The following PACS1 variants were observed in gnomAD, a reference collection of about 807,000 sequenced individuals.
The protein encoded by PACS1 is PACS-1.
In PACS1, 24 loss-of-function variants were observed where a neutral mutation model predicts 115.0. The ratio of observed to expected loss-of-function variants is 0.21; its 90% CI spans 0.15 to 0.29. PACS1 has a LOEUF of 0.29. Among genes scored for constraint, PACS1 ranks in the 10% least tolerant of loss-of-function variants. The pLI is 1.00. For missense variants in PACS1, 838 were observed against 1,251.2 expected (o/e 0.67, Z 4.98); for synonymous variants, 453 against 504.5 (o/e 0.90, Z 1.37).
intron 1 of PACS1, among the ~76,000 whole-genome samples, chr11:66,153,656 C>T (rs985200698): frequency 2.6e-5 from 4 of 152,136 alleles, no homozygotes; most frequent in Admixed American, 2.0e-4. Context: ...TGGTGGGCAC[C>T]TGTAGTCCCA....
At chr11:66,175,215 C>T (rs541526074) in intron 1 of PACS1, among the ~76,000 whole-genome samples, 4 of 151,894 alleles carry the variant, frequency 2.6e-5, no homozygotes, top group South Asian at 4.2e-4. Context: ...TAAACCAATA[C>T]GGTTTTGTTT....
chr11:66,188,836 TCTTA>T (rs1254946655), intron 1 of PACS1, among the ~76,000 whole-genome samples: 6 of 152,210 alleles, frequency 3.9e-5, no homozygotes, highest in Non-Finnish European at 8.8e-5. Flanking sequence ...GAGAAATTTA[TCTTA>T]CTTCCTTAGT....
At chr11:66,216,467 C>T (rs1468293144) in intron 5 of PACS1, 53 bp from the exon 6 acceptor site, 1 of 1,545,460 alleles carries the variant, frequency 6.5e-7, no homozygotes, top group Non-Finnish European at 8.9e-7. Flanking sequence ...ATCGAAGTTT[C>T]TTAGGCCAGA....
intron 1 of PACS1, among the ~76,000 whole-genome samples, chr11:66,136,394 G>A (rs1858848297): frequency 6.6e-6 from 1 of 151,602 alleles, no homozygotes; most frequent in African/African-American, 2.4e-5. Context: ...GAGTGCAGGA[G>A]TTATGATTTA....
intron 1 of PACS1, among the ~76,000 whole-genome samples, chr11:66,074,974 G>T (rs1386697327): frequency 3.6e-5 from 4 of 111,392 alleles, no homozygotes; most frequent in African/African-American, 1.4e-4. Flanking sequence ...ATGGAGTCTC[G>T]CTCTGTCGCC....
intron 1 of PACS1, among the ~76,000 whole-genome samples, chr11:66,163,715 G>A (rs1859540142): frequency 6.6e-6 from 1 of 152,108 alleles, no homozygotes; most frequent in Admixed American, 6.6e-5. Flanking sequence ...CCTTTATCAG[G>A]AATGTCTAAG....
chr11:66,234,942 C>T (rs376619910), intron 17 of PACS1, among the ~76,000 whole-genome samples: 69 of 152,120 alleles, frequency 4.5e-4, no homozygotes, highest in African/African-American at 1.4e-3. Flanking sequence ...CTCTTCCAGG[C>T]TGAGAGGTAG....
At chr11:66,082,402 A>G (rs1329047283) in intron 1 of PACS1, among the ~76,000 whole-genome samples, 1 of 151,928 alleles carries the variant, frequency 6.6e-6, no homozygotes, top group Admixed American at 6.6e-5. Context: ...ATTTATAGAG[A>G]TGGGGTTTTG....
intron 14 of PACS1, among the ~76,000 whole-genome samples, 173 bp from the exon 15 acceptor site, chr11:66,232,787 C>G (rs1016742291): frequency 1.3e-5 from 2 of 152,174 alleles, no homozygotes; most frequent in Non-Finnish European, 2.9e-5. Flanking sequence ...TGGGTCGGCC[C>G]CACCCCCTCC....
At chr11:66,074,413 A>G (rs1269512336) in intron 1 of PACS1, among the ~76,000 whole-genome samples, 1 of 152,136 alleles carries the variant, frequency 6.6e-6, no homozygotes, top group Non-Finnish European at 1.5e-5. Context: ...AGGGTGTTAG[A>G]GCCTCATTGT....
chr11:66,218,141 A>G (rs1178183211), intron 7 of PACS1: 1 of 151,668 alleles, frequency 6.6e-6, no homozygotes, highest in African/African-American at 2.4e-5. Context: ...AACATGTCTC[A>G]TGCTGCTCTG....
At chr11:66,090,896 A>C (rs1219070511) in intron 1 of PACS1, among the ~76,000 whole-genome samples, 1 of 152,218 alleles carries the variant, frequency 6.6e-6, no homozygotes, top group Non-Finnish European at 1.5e-5. Context: ...GTGGATAAAA[A>C]GATAATGAGA....
In PACS1 at chr11:66,070,361, C is replaced by A; in HGVS notation, c.-126C>A. On this transcript the variant is annotated 5_prime_UTR_variant, in exon 1 of 24. The change creates a new upstream start codon in the 5' untranslated region. Coordinates refer to ENST00000320580, the MANE Select transcript of PACS1 (RefSeq NM_018026.4). This position sits in a 1 kb window ranked among gnomAD's most constrained non-coding sequence, Gnocchi z 5.9. Reference sequence around the variant, plus strand: ...AGGCCCCGCGCGTGCGTGCAGCTCGCTGGCTGCTCGCGCTCGGGCAGGCGG... The same window carrying A: ...AGGCCCCGCGCGTGCGTGCAGCTCGATGGCTGCTCGCGCTCGGGCAGGCGG... 1 of 454,086 alleles carries A rather than the reference C, an allele frequency of 2.2e-6. No individual in the cohort carries two copies. Among genetic ancestry groups the A allele is most frequent in the Non-Finnish European group, 3.3e-6 (1 of 306,058 alleles). 28.1% of individuals were successfully genotyped at this position (454,086 alleles called of 1,614,324 possible).
chr11:66,216,242 G>C lies in PACS1; in HGVS notation c.784G>C (p.Gly262Arg). 6.2e-7 allele frequency: 1 copy of C among 1,614,038 alleles called. No individual in the cohort carries two copies. The highest frequency in any genetic ancestry group is 1.1e-5 in the South Asian group (1 of 91,074). ...SLSSQPIDHE[G>R]IKSKLSDRSP... ...GTCCAGCCAACCCATTGACCATGAA[G>C]GAATCAAATCCAAGCTTTCTGGTAA... is the stretch of plus-strand genomic sequence containing the variant. The change falls in exon 5 of 24, where the codon GGA (glycine) becomes CGA (arginine). Residue 262 changes from glycine to arginine, a missense_variant. Gly to Arg is a moderately radical substitution (Grantham distance 125, BLOSUM62 -2). This residue lies in a region of PACS1 where 223 missense variants were observed against 354.0 expected (regional missense o/e 0.63). Transcript: ENST00000320580.
rs1246701221 is a variant in PACS1 at position 66,235,274 on chromosome 11, G to A, written c.2105-27G>A. ...GTTTGCCAGCTGAAGTCAGTAGGCA[G>A]TTAGTGATCTCTTGGCTTTTCTGCA... On this transcript the variant is annotated intron_variant, in intron 17 of 23. Coordinates refer to ENST00000320580, the MANE Select transcript of PACS1 (RefSeq NM_018026.4). This position sits in a 1 kb window ranked among gnomAD's most constrained non-coding sequence, Gnocchi z 5.6. 3 of 1,575,944 alleles carry A rather than the reference G, an allele frequency of 1.9e-6. No individual in the cohort carries two copies.
Position 66,235,329 on chromosome 11 carries a change from G to A in PACS1, c.2133G>A (p.Met711Ile), listed in dbSNP as rs143658472. ...AACTGGACGTGGCAGGGCGGGTGAT[G>A]CAGTACGTCAACGGGGCAGCCACGA... The part of the protein sequence containing the change: ...SEQLDVAGRV[M>I]QYVNGAATTH... Residue 711 changes from methionine (M) to isoleucine (I), a missense_variant, in exon 18 of 24, where the codon ATG becomes ATA. Met to Ile is a conservative substitution (Grantham distance 10). Transcript: ENST00000320580. This position sits in a 1 kb window ranked among gnomAD's most constrained non-coding sequence, Gnocchi z 5.6. 24 of 1,613,926 alleles carry A rather than the reference G, an allele frequency of 1.5e-5. No homozygotes were observed. The highest frequency in any genetic ancestry group is 2.0e-5 in the Non-Finnish European group (24 of 1,179,924).
intron 1 of PACS1, among the ~76,000 whole-genome samples, chr11:66,188,009 A>G (rs1166157700): frequency 1.3e-5 from 2 of 152,088 alleles, no homozygotes; most frequent in African/African-American, 4.8e-5. Context: ...AGCCAGCCCA[A>G]CTGGGGAATA....
chr11:66,239,022 G>T, intron 20 of PACS1, 120 bp from the exon 21 acceptor site: 1 of 1,495,616 alleles, frequency 6.7e-7, no homozygotes, highest in Non-Finnish European at 9.2e-7. Context: ...GAGGTGGAAG[G>T]AGCCTGGGGC....
rs1224202943 is a variant in PACS1 at position 66,202,740 on chromosome 11, AAAATATATATATATAT to A, written c.445-7620_445-7605del. Among the ~76,000 whole-genome samples, 4 of 85,988 alleles carry A rather than the reference AAAATATATATATATAT, an allele frequency of 4.7e-5. 2 individuals carry two copies. The highest frequency in any genetic ancestry group is 8.0e-4 in the South Asian group (2 of 2,494). 56.4% of individuals were successfully genotyped at this position (85,988 alleles called of 152,430 possible). A position where few individuals can be genotyped will look rare whatever the true frequency, so the allele number is the denominator to read the frequency against. Reference sequence around the variant, plus strand: ...CTCATCTCTAGGAAAAAAAAAAAAAAAAATATATATATATATATATATATATATATATATATATATA... The same window carrying A: ...CTCATCTCTAGGAAAAAAAAAAAAAAATATATATATATATATATATATATA... On this transcript the variant is annotated intron_variant, in intron 2 of 23. Coordinates refer to ENST00000320580, the MANE Select transcript of PACS1 (RefSeq NM_018026.4).
Sources: allele counts gnomAD v4.1 joint callset (sites outside exome capture counted in the v4.1 genomes callset), GRCh38; gene constraint gnomAD v4.1.1; regional missense constraint gnomAD v4.1.1; non-coding constraint Gnocchi (gnomAD v3.1); transcripts MANE v1.5; gene names NCBI Gene and HGNC (gene_info 2026-07-23, HGNC 2026-07-21).